The following RGS6 variants were observed in gnomAD, a reference collection of about 807,000 sequenced individuals.
RGS6 encodes regulator of G-protein signaling 6.
Under a neutral mutation model 78.5 loss-of-function variants are expected in RGS6, and 30 were observed. That is an observed-to-expected ratio of 0.38 (90% confidence interval 0.29 to 0.52). The LOEUF (loss-of-function observed/expected upper bound fraction) is 0.52, where lower values mean the gene tolerates loss of function less well. Among genes scored for constraint, RGS6 ranks in the 20% least tolerant of loss-of-function variants. The probability of loss-of-function intolerance (pLI) is 0.85; values close to 1 mark genes in which losing one functional copy is unlikely to be tolerated. For synonymous variants in RGS6, 206 were observed against 206.0 expected (o/e 1.00, Z 0.00); for missense variants, 495 against 609.7 (o/e 0.81, Z 1.98).
At chr14:72,001,833 G>GT (rs2083493529) in intron 2 of RGS6, among the ~76,000 whole-genome samples, 1 of 146,844 alleles carries the variant, frequency 6.8e-6, no homozygotes, top group African/African-American at 2.5e-5. Context: ...AAGAAGTGTT[G>GT]TAAGTACTCT....
At chr14:72,103,758 T>C (rs941520239) in intron 2 of RGS6, among the ~76,000 whole-genome samples, 5 of 152,218 alleles carry the variant, frequency 3.3e-5, no homozygotes, top group African/African-American at 1.2e-4. Flanking sequence ...GCAAGGCCAC[T>C]TGCCGCCTAG....
intron 6 of RGS6, among the ~76,000 whole-genome samples, chr14:72,459,980 A>ACACTAT (rs1198631693): frequency 1.3e-5 from 2 of 152,150 alleles, no homozygotes; most frequent in African/African-American, 4.8e-5. Flanking sequence ...TCCCACAGCA[A>ACACTAT]CACTATCAGA....
chr14:72,479,968 TAGAA>T (rs2096334631), intron 12 of RGS6, among the ~76,000 whole-genome samples: 1 of 152,224 alleles, frequency 6.6e-6, no homozygotes, highest in Non-Finnish European at 1.5e-5. Context: ...GTTTGCAATT[TAGAA>T]AGAGCGTATA....
intron 2 of RGS6, among the ~76,000 whole-genome samples, chr14:72,165,701 C>G (rs140830274): frequency 6.6e-6 from 1 of 152,244 alleles, no homozygotes; most frequent in East Asian, 1.9e-4. Flanking sequence ...TGTGATGTGC[C>G]ATGTGTTTGA....
intron 2 of RGS6, among the ~76,000 whole-genome samples, chr14:72,081,744 G>T (rs1173433910): frequency 6.6e-6 from 1 of 152,016 alleles, no homozygotes; most frequent in East Asian, 1.9e-4. Flanking sequence ...TGCTAAAAAT[G>T]CAAGTCTATC....
At chr14:71,939,508 CT>C (rs1483047229) in intron 1 of RGS6, among the ~76,000 whole-genome samples, 1 of 152,216 alleles carries the variant, frequency 6.6e-6, no homozygotes, top group African/African-American at 2.4e-5. Context: ...TGATATACCC[CT>C]GAGGTAGGAC....
rs578081767 is a variant in RGS6 at position 72,328,991 on chromosome 14, C to G, written c.85-23104C>G. On this transcript the variant is annotated intron_variant, in intron 2 of 17. Coordinates refer to ENST00000553525, the MANE Select transcript of RGS6 (RefSeq NM_001204424.2). ...AGTTCAAGCGATTCTCCTGCTTCAT[C>G]CTCCCAAATTGCTGGGATTACAGGT... Among the ~76,000 whole-genome samples the G allele has an allele frequency of 2.6e-5, 4 of 152,326 alleles. No homozygotes were observed. In the South Asian group the frequency reaches 6.2e-4, roughly 24 times the overall value.
At chr14:72,468,049 A>G (rs1283076109) in intron 7 of RGS6, among the ~76,000 whole-genome samples, 1 of 152,188 alleles carries the variant, frequency 6.6e-6, no homozygotes, top group Non-Finnish European at 1.5e-5. Context: ...GCTGTATTTG[A>G]TTCAATTTCT....
chr14:72,344,185 C>A (rs2077555941), intron 2 of RGS6, among the ~76,000 whole-genome samples: 1 of 152,000 alleles, frequency 6.6e-6, no homozygotes. Context: ...TTTTTTCTCC[C>A]ATTAGATGAA....
At chr14:72,425,808 T>C (rs763033478) in intron 3 of RGS6, among the ~76,000 whole-genome samples, 1 of 152,206 alleles carries the variant, frequency 6.6e-6, no homozygotes, top group Non-Finnish European at 1.5e-5. Flanking sequence ...AAGGAAATTA[T>C]AGGAGGCATA....
the RGS6 span, among the ~76,000 whole-genome samples, chr14:71,915,370 C>T: frequency 1.3e-5 from 2 of 152,296 alleles, no homozygotes; most frequent in East Asian, 3.9e-4. Flanking sequence ...CATTATCCCC[C>T]ACAGCTCCTT....
At chr14:72,030,378 TA>T (rs1430460597) in intron 2 of RGS6, among the ~76,000 whole-genome samples, 1 of 151,974 alleles carries the variant, frequency 6.6e-6, no homozygotes, top group African/African-American at 2.4e-5. Flanking sequence ...GATAAGGAAA[TA>T]AAAGTTTGAA....
At chr14:72,228,661 T>C (rs958926218) in intron 2 of RGS6, among the ~76,000 whole-genome samples, 2 of 152,152 alleles carry the variant, frequency 1.3e-5, no homozygotes, top group Admixed American at 1.3e-4. Context: ...TGGGACTAAG[T>C]TCAGAGACAT....
rs3861685 is a variant in RGS6, at chr14:72,295,163, C to T, written c.85-56932C>T. 9.7e-3 allele frequency among the ~76,000 whole-genome samples: 1,455 copies of T among 150,286 alleles called. 30 individuals are homozygous for T. The highest frequency in any genetic ancestry group is 0.033 in the African/African-American group (1,370 of 41,104). On this transcript the variant is annotated intron_variant, in intron 2 of 17. Transcript: ENST00000553525. Reference sequence around the variant, plus strand: ...AAAATTAGCCGGGCGTAGTGGCGGGCGCCTGTAGTCCCAGCTACTTGGGAG... The same window carrying T: ...AAAATTAGCCGGGCGTAGTGGCGGGTGCCTGTAGTCCCAGCTACTTGGGAG...
At chr14:72,161,421 T>C (rs2096851513) in intron 2 of RGS6, among the ~76,000 whole-genome samples, 1 of 152,146 alleles carries the variant, frequency 6.6e-6, no homozygotes. Context: ...GTGATGGTAA[T>C]AGGCACAGAC....
At chr14:71,989,510 C>T (rs2238276) in intron 2 of RGS6, among the ~76,000 whole-genome samples, 12,078 of 152,260 alleles carry the variant, frequency 0.079, 639 homozygotes, top group East Asian at 0.21. Flanking sequence ...TTGTAAAAGG[C>T]CTGTGAAAAA....
chr14:71,982,858 A>T (rs1172791978), intron 2 of RGS6, among the ~76,000 whole-genome samples: 4 of 152,158 alleles, frequency 2.6e-5, no homozygotes, highest in Non-Finnish European at 5.9e-5. Flanking sequence ...TCTCATCAGG[A>T]GGGTGTTTCT....
intron 2 of RGS6, among the ~76,000 whole-genome samples, chr14:72,241,162 A>C (rs568823152): frequency 6.6e-6 from 1 of 151,914 alleles, no homozygotes; most frequent in African/African-American, 2.4e-5. Context: ...TCTCAAAAAA[A>C]AAAAAAAAAC....
chr14:72,406,201 A>T (rs1051505480), intron 3 of RGS6, among the ~76,000 whole-genome samples: 1 of 152,164 alleles, frequency 6.6e-6, no homozygotes, highest in African/African-American at 2.4e-5. Context: ...CCTGGCCAAC[A>T]TAGTGAAACC....
Sources: allele counts gnomAD v4.1 joint callset (sites outside exome capture counted in the v4.1 genomes callset), GRCh38; gene constraint gnomAD v4.1.1; transcripts MANE v1.5; gene names NCBI Gene and HGNC (gene_info 2026-07-23, HGNC 2026-07-21).